LINGO2: variants seen among roughly 807,000 people sequenced by gnomAD.
LINGO2 encodes the protein leucine rich repeat and Ig domain containing 2.
Under a neutral mutation model 30.6 loss-of-function variants are expected in LINGO2, and 14 were observed. The ratio of observed to expected loss-of-function variants is 0.46; its 90% CI spans 0.30 to 0.72. The LOEUF (loss-of-function observed/expected upper bound fraction) is 0.72, where lower values mean the gene tolerates loss of function less well. LINGO2 is among the 30% of genes least tolerant of loss of function. The probability of loss-of-function intolerance (pLI) is 0.07; values close to 1 mark genes in which losing one functional copy is unlikely to be tolerated. For missense variants in LINGO2, 729 were observed against 751.7 expected, an observed-to-expected ratio of 0.97 and a Z score of 0.35; for synonymous variants, 317 against 288.5, an observed-to-expected ratio of 1.10 and a Z score of -1.00.
chr9:28,004,606 TGATA>T (rs1822165924), intron 5 of LINGO2, among the ~76,000 whole-genome samples: 1 of 151,034 alleles, frequency 6.6e-6, no homozygotes, highest in Non-Finnish European at 1.5e-5. Flanking sequence ...AACTAATAGT[TGATA>T]AATAGTGTGA....
intron 4 of LINGO2, among the ~76,000 whole-genome samples, chr9:28,107,854 A>C (rs1826643886): frequency 6.6e-6 from 1 of 152,124 alleles, no homozygotes; most frequent in South Asian, 2.1e-4. Flanking sequence ...TAGGTAAGTC[A>C]TCAAAGTCTA....
the LINGO2 span, among the ~76,000 whole-genome samples, chr9:28,989,649 G>C: frequency 3.6e-3 from 547 of 152,184 alleles, 1 homozygote; most frequent in African/African-American, 0.012. Context: ...CATATGTTTA[G>C]ACTCTAGAAC....
intron 1 of LINGO2, among the ~76,000 whole-genome samples, chr9:28,650,970 C>A (rs994270841): frequency 1.3e-5 from 2 of 151,968 alleles, no homozygotes; most frequent in African/African-American, 4.8e-5. Flanking sequence ...GTGGGCGGAT[C>A]ATCAGGTCAG....
At chr9:29,026,938 T>A in the LINGO2 span, among the ~76,000 whole-genome samples, 1 of 147,228 alleles carries the variant, frequency 6.8e-6, no homozygotes, top group East Asian at 2.0e-4. Context: ...AGGATAAATA[T>A]ATTTAAACTA....
At chr9:28,648,851 C>A (rs1309276967) in intron 1 of LINGO2, among the ~76,000 whole-genome samples, 2 of 152,086 alleles carry the variant, frequency 1.3e-5, no homozygotes, top group Admixed American at 1.3e-4. Flanking sequence ...CCAGAATGTA[C>A]CTTCTGTTGG....
At chr9:28,714,245 T>C in the LINGO2 span, among the ~76,000 whole-genome samples, 2 of 147,758 alleles carry the variant, frequency 1.4e-5, no homozygotes, top group Admixed American at 1.4e-4. Flanking sequence ...CTCTCTCCAC[T>C]ACAGTCATTA....
chr9:29,077,245 C>T, the LINGO2 span, among the ~76,000 whole-genome samples: 1 of 148,798 alleles, frequency 6.7e-6, no homozygotes, highest in East Asian at 2.0e-4. Context: ...TTCATGATTA[C>T]ATTAATCTAT....
At position 28,218,478 on chromosome 9, in the gene LINGO2, T is replaced by G. The variant is rs757054083; in HGVS notation, c.-87+76730A>C. On this transcript the variant is annotated intron_variant, in intron 4 of 5. Coordinates refer to ENST00000379992, the Ensembl canonical transcript of LINGO2. ...CACCAAAACCAAGCCTGTTCTGAAG[T>G]GGAAAAGTCACATGTTCTCCACGAT... 3.3e-5 allele frequency among the ~76,000 whole-genome samples: 5 copies of G among 151,906 alleles called. No homozygotes were observed. The East Asian group carries it at 7.7e-4, about 23-fold the overall frequency.
chr9:29,091,915 T>G, the LINGO2 span, among the ~76,000 whole-genome samples: 893 of 152,192 alleles, frequency 5.9e-3, 8 homozygotes, highest in African/African-American at 0.021. Flanking sequence ...ATAGCCATCC[T>G]TCATACACAA....
chr9:28,654,078 T>C (rs923384200), intron 1 of LINGO2, among the ~76,000 whole-genome samples: 2 of 152,166 alleles, frequency 1.3e-5, no homozygotes, highest in Non-Finnish European at 2.9e-5. Context: ...ACTTGTCTTC[T>C]TAGTTGCCTA....
At chr9:28,039,319 TAAG>T (rs1434538813) in intron 4 of LINGO2, among the ~76,000 whole-genome samples, 1 of 152,210 alleles carries the variant, frequency 6.6e-6, no homozygotes, top group African/African-American at 2.4e-5. Context: ...TTAAAAAGCT[TAAG>T]AAGTTCTATA....
the LINGO2 span, among the ~76,000 whole-genome samples, chr9:29,099,006 C>T: frequency 6.6e-6 from 1 of 152,132 alleles, no homozygotes; most frequent in Non-Finnish European, 1.5e-5. Context: ...GTAACCAAAA[C>T]AGTATAGCAC....
At chr9:29,137,919 G>A in the LINGO2 span, among the ~76,000 whole-genome samples, 3 of 151,962 alleles carry the variant, frequency 2.0e-5, no homozygotes, top group Non-Finnish European at 2.9e-5. Context: ...GGACTAATAG[G>A]ACTGTTATGA....
the LINGO2 span, among the ~76,000 whole-genome samples, chr9:28,787,127 A>G: frequency 6.6e-6 from 1 of 152,134 alleles, no homozygotes; most frequent in East Asian, 1.9e-4. Context: ...GAAGCACTGG[A>G]CCTAGGTAGA....
chr9:28,514,860 C>T (rs1820554555), intron 1 of LINGO2, among the ~76,000 whole-genome samples: 1 of 151,748 alleles, frequency 6.6e-6, no homozygotes, highest in East Asian at 1.9e-4. Flanking sequence ...AAGTTTAAGC[C>T]AATGCTCATT....
chr9:28,295,165 T>A (rs954198230), intron 4 of LINGO2, 43 bp downstream of exon 6: 1 of 152,472 alleles, frequency 6.6e-6, no homozygotes, highest in Non-Finnish European at 1.5e-5. Flanking sequence ...CTGAAGCCCT[T>A]AGAGCAAGTA....
chr9:28,412,197 A>AAC (rs1393147513), intron 2 of LINGO2, among the ~76,000 whole-genome samples: 1 of 147,730 alleles, frequency 6.8e-6, no homozygotes, highest in Non-Finnish European at 1.5e-5. Context: ...AAAAAAAAAA[A>AAC]AAAAAAAACC....
At chr9:29,146,934 A>G in the LINGO2 span, among the ~76,000 whole-genome samples, 1 of 152,178 alleles carries the variant, frequency 6.6e-6, no homozygotes, top group Non-Finnish European at 1.5e-5. Flanking sequence ...CCAGTGAAAA[A>G]GTATCAATGA....
chr9:28,879,198 C>T, the LINGO2 span, among the ~76,000 whole-genome samples: 2 of 151,948 alleles, frequency 1.3e-5, no homozygotes, highest in Non-Finnish European at 2.9e-5. Context: ...CCAATAACAG[C>T]CAAACAGAGA....
Sources: allele counts gnomAD v4.1 joint callset (sites outside exome capture counted in the v4.1 genomes callset), GRCh38; gene constraint gnomAD v4.1.1; transcripts MANE v1.5; gene names NCBI Gene and HGNC (gene_info 2026-07-23, HGNC 2026-07-21).